SRGAP2C: variants seen among roughly 807,000 people sequenced by gnomAD.
SRGAP2C encodes the protein SLIT-ROBO Rho GTPase activating protein 2C, also known as SLIT-ROBO Rho GTPase-activating protein 2C.
A neutral mutation model predicts 25.1 loss-of-function variants in SRGAP2C; 15 were observed. That is an observed-to-expected ratio of 0.60 (90% CI 0.40 to 0.92). The LOEUF is 0.92. SRGAP2C is among the 40% of genes least tolerant of loss of function. The pLI, the probability that SRGAP2C is intolerant of heterozygous loss-of-function variation, is 0.00. For synonymous variants in SRGAP2C, 44 were observed against 96.6 expected (o/e 0.46, Z 3.19); for missense variants, 144 against 264.4 (o/e 0.54, Z 3.16).
At chr1:121,212,395 G>T (rs1446224967) in intron 2 of SRGAP2C, among the ~76,000 whole-genome samples, 2 of 152,104 alleles carry the variant, frequency 1.3e-5, no homozygotes, top group African/African-American at 2.4e-5. Flanking sequence ...CTCTCAGAGT[G>T]CTGGGATTAC....
chr1:121,230,746 TGCA>T (rs1448629380), intron 2 of SRGAP2C, among the ~76,000 whole-genome samples: 14 of 151,736 alleles, frequency 9.2e-5, no homozygotes. Context: ...ATATGTTTAT[TGCA>T]GCACTATTCA....
At position 121,315,070 on chromosome 1, in the gene SRGAP2C, G is replaced by A; in HGVS notation, c.261-9408G>A. ...AGATTATCCATGTTGCTCCCCGAGG[G>A]TGAGGAACTGGCGGGGTGAGGCGAA... On this transcript the variant is annotated intron_variant, in intron 3 of 9. Transcript: ENST00000367123. The A allele has an allele frequency of 7.9e-6, 7 of 891,530 alleles. 1 individual carries two copies. Among genetic ancestry groups the A allele is most frequent in the Non-Finnish European group, 1.0e-5 (6 of 593,578 alleles). The allele number at this position is 891,530 out of a possible 1,614,324, so 55.2% of individuals were successfully genotyped here. A position where few individuals can be genotyped will look rare whatever the true frequency, so the allele number is the denominator to read the frequency against.
At chr1:121,207,162 T>C (rs1401673060) in intron 2 of SRGAP2C, among the ~76,000 whole-genome samples, 1 of 151,112 alleles carries the variant, frequency 6.6e-6, no homozygotes, top group Non-Finnish European at 1.5e-5. Flanking sequence ...TGACACCCCT[T>C]TTACGTGCCA....
chr1:121,296,174 C>A (rs1441502692), intron 3 of SRGAP2C, among the ~76,000 whole-genome samples: 1 of 151,000 alleles, frequency 6.6e-6, no homozygotes, highest in Non-Finnish European at 1.5e-5. Context: ...AGTATTGAAG[C>A]TAAAATTTCT....
At chr1:121,309,530 G>A (rs1263866924) in intron 3 of SRGAP2C, among the ~76,000 whole-genome samples, 12 of 145,474 alleles carry the variant, frequency 8.2e-5, no homozygotes, top group South Asian at 4.5e-4. Flanking sequence ...CCACTAACTC[G>A]TCATCTAGCA....
At chr1:121,272,601 C>G (rs1288534712) in intron 2 of SRGAP2C, among the ~76,000 whole-genome samples, 1 of 151,590 alleles carries the variant, frequency 6.6e-6, no homozygotes, top group African/African-American at 2.4e-5. Context: ...TTCGGGGATT[C>G]TTTTTGTTAA....
At position 121,264,580 on chromosome 1, in the gene SRGAP2C, T is replaced by C. The variant is rs1343025943; in HGVS notation, c.68-20223T>C. ...TTATTTCGGTTCCTTGCATGCAGCT[T>C]CTTTTCTGTTGCCTCTGGGCCTTTG... On this transcript the variant is annotated intron_variant, in intron 2 of 9. Coordinates refer to ENST00000367123, the MANE Select transcript of SRGAP2C (RefSeq NM_001329984.2). Among the ~76,000 whole-genome samples the C allele has an allele frequency of 2.8e-5, 4 of 143,252 alleles. No homozygotes were observed. The East Asian group carries it at 8.3e-4, about 30-fold the overall frequency. 94.0% of individuals were successfully genotyped at this position (143,252 alleles called of 152,430 possible). A position where few individuals can be genotyped will look rare whatever the true frequency, so the allele number is the denominator to read the frequency against.
At chr1:121,382,092 C>T (rs1289442297) in intron 7 of SRGAP2C, among the ~76,000 whole-genome samples, 3 of 151,962 alleles carry the variant, frequency 2.0e-5, no homozygotes, top group African/African-American at 7.3e-5. Flanking sequence ...TGTCAGATGC[C>T]AGGAAGGAGG....
At chr1:121,289,428 C>T (rs1553337330) in intron 3 of SRGAP2C, among the ~76,000 whole-genome samples, 2 of 151,822 alleles carry the variant, frequency 1.3e-5, no homozygotes, top group Non-Finnish European at 2.9e-5. Context: ...CACGCCCACC[C>T]GGAACTCCAG....
chr1:121,336,479 C>T (rs1445163527), intron 4 of SRGAP2C, among the ~76,000 whole-genome samples: 1 of 114,360 alleles, frequency 8.7e-6, no homozygotes, highest in Non-Finnish European at 1.8e-5. Flanking sequence ...CCTTCTCTTC[C>T]CTCTCCTTTC....
chr1:121,198,281 GTT>G (rs71278814), intron 2 of SRGAP2C, among the ~76,000 whole-genome samples: 5 of 142,220 alleles, frequency 3.5e-5, no homozygotes, highest in African/African-American at 7.8e-5. Context: ...TATTCTCTTT[GTT>G]TTTTTTTTTT....
At chr1:121,351,610 AAAATAAATAAAT>A (rs1218821325) in intron 4 of SRGAP2C, among the ~76,000 whole-genome samples, 234 of 104,672 alleles carry the variant, frequency 2.2e-3, no homozygotes, top group African/African-American at 8.4e-3. Flanking sequence ...ACTCCATCTC[AAAATAAATAAAT>A]AAATAAATAA....
intron 2 of SRGAP2C, among the ~76,000 whole-genome samples, chr1:121,196,485 T>G (rs1654833183): frequency 1.2e-5 from 1 of 83,474 alleles, no homozygotes; most frequent in South Asian, 2.9e-4. Context: ...TTCATTCTTT[T>G]TTCTTCTACC....
intron 3 of SRGAP2C, among the ~76,000 whole-genome samples, chr1:121,293,630 G>A (rs1436912553): frequency 6.6e-6 from 1 of 152,146 alleles, no homozygotes; most frequent in Admixed American, 6.5e-5. Context: ...GGTCTCTGGA[G>A]TGACAATAGT....
chr1:121,372,490 T>G (rs1659522881), intron 5 of SRGAP2C, among the ~76,000 whole-genome samples: 1 of 136,262 alleles, frequency 7.3e-6, no homozygotes, highest in African/African-American at 2.9e-5. Context: ...GACACTTCTC[T>G]AACTCAGGTT....
chr1:121,222,759 G>T (rs1553325891), intron 2 of SRGAP2C, among the ~76,000 whole-genome samples: 1 of 152,172 alleles, frequency 6.6e-6, no homozygotes, highest in African/African-American at 2.4e-5. Context: ...GACGGGAGTG[G>T]CTAGCCCTTG....
chr1:121,230,930 C>G (rs1412280287), intron 2 of SRGAP2C, among the ~76,000 whole-genome samples: 1 of 146,796 alleles, frequency 6.8e-6, no homozygotes, highest in Admixed American at 6.9e-5. Context: ...CAAACTAACA[C>G]AGGAACAGAA....
chr1:121,194,980 A>G, intron 2 of SRGAP2C, among the ~76,000 whole-genome samples: 1 of 130,088 alleles, frequency 7.7e-6, no homozygotes, highest in East Asian at 2.2e-4. Flanking sequence ...GACAATCTCC[A>G]AGGGAAGTCA....
At chr1:121,304,052 A>G (rs1162440424) in intron 3 of SRGAP2C, among the ~76,000 whole-genome samples, 2 of 149,190 alleles carry the variant, frequency 1.3e-5, no homozygotes, top group African/African-American at 4.9e-5. Context: ...AAAAATACAA[A>G]AAAAAAAAAT....
Sources: allele counts gnomAD v4.1 joint callset (sites outside exome capture counted in the v4.1 genomes callset), GRCh38; gene constraint gnomAD v4.1.1; transcripts MANE v1.5; gene names NCBI Gene and HGNC (gene_info 2026-07-23, HGNC 2026-07-21).